RBFOX1: variants seen among roughly 807,000 people sequenced by gnomAD.
RBFOX1 encodes the protein RNA binding protein fox-1 homolog 1.
A neutral mutation model predicts 57.7 loss-of-function variants in RBFOX1; 8 were observed. The observed-to-expected ratio is 0.14, with a 90% CI of 0.08 to 0.25. The LOEUF is 0.25. Ranked by LOEUF, RBFOX1 falls within the 10% of genes least tolerant of loss-of-function variation. The pLI is 1.00. For missense variants in RBFOX1, 611 were observed against 548.5 expected (o/e 1.11, Z -1.14); for synonymous variants, 326 against 222.4 (o/e 1.47, Z -4.15).
intron 10 of RBFOX1, among the ~76,000 whole-genome samples, chr16:7,624,146 T>C (rs1157591859): frequency 1.3e-5 from 2 of 152,202 alleles, no homozygotes; most frequent in African/African-American, 4.8e-5. Flanking sequence ...GGAGGACTAA[T>C]GGCATCAGAC....
At chr16:6,731,009 C>A (rs2068446212) in intron 3 of RBFOX1, among the ~76,000 whole-genome samples, 1 of 152,096 alleles carries the variant, frequency 6.6e-6, no homozygotes, top group South Asian at 2.1e-4. Flanking sequence ...TGTCAGAGAT[C>A]ACAAAAGAGA....
At chr16:5,895,723 G>A (rs894548425) in intron 4 of RBFOX1, among the ~76,000 whole-genome samples, 6 of 152,146 alleles carry the variant, frequency 3.9e-5, no homozygotes, top group African/African-American at 1.4e-4. Context: ...GGGGCATCTC[G>A]CAGGGGTTTT....
At chr16:7,002,694 G>C (rs1170977966) in intron 3 of RBFOX1, among the ~76,000 whole-genome samples, 1 of 152,136 alleles carries the variant, frequency 6.6e-6, no homozygotes, top group African/African-American at 2.4e-5. Context: ...CCTGGTGATA[G>C]AGTGAGGGTC....
At chr16:6,341,891 C>G (rs1053815565) in intron 2 of RBFOX1, among the ~76,000 whole-genome samples, 5 of 152,294 alleles carry the variant, frequency 3.3e-5, no homozygotes, top group African/African-American at 9.6e-5. Flanking sequence ...TAACGATTCT[C>G]GTGATTCCAC....
chr16:7,079,043 G>A (rs189430505), intron 4 of RBFOX1, among the ~76,000 whole-genome samples: 191 of 151,356 alleles, frequency 1.3e-3, no homozygotes, highest in Non-Finnish European at 2.4e-3. Context: ...TTTTTTGGGG[G>A]GAAACATGGT....
intron 2 of RBFOX1, among the ~76,000 whole-genome samples, chr16:6,365,508 C>T (rs2089444250): frequency 6.6e-6 from 1 of 152,092 alleles, no homozygotes; most frequent in Non-Finnish European, 1.5e-5. Context: ...TGGATACATA[C>T]ATGTAATACA....
chr16:6,576,171 A>G (rs1304945128), intron 2 of RBFOX1, among the ~76,000 whole-genome samples: 1 of 151,964 alleles, frequency 6.6e-6, no homozygotes, highest in Non-Finnish European at 1.5e-5. Context: ...TCATTCTTTC[A>G]TTTTGCAACC....
rs546888863 is a variant in RBFOX1, at chr16:5,364,288, G to A, written c.220-102928G>A. ...TGAATGCACCAACAGTCCCCCAGGG[G>A]TGCACAGAAGGCGCATAGAGTCCCT... On this transcript the variant is annotated intron_variant, in intron 1 of 2. Transcript: ENST00000585867. 8.5e-5 allele frequency among the ~76,000 whole-genome samples: 13 copies of A among 152,352 alleles called. No individual in the cohort carries two copies. The East Asian group carries it at 2.5e-3, about 29-fold the overall frequency.
chr16:6,705,861 T>C (rs1468686090), intron 3 of RBFOX1, among the ~76,000 whole-genome samples: 3 of 152,150 alleles, frequency 2.0e-5, no homozygotes, highest in Middle Eastern at 6.8e-3. Context: ...TTACTAAAAA[T>C]ACAAACATTA....
intron 2 of RBFOX1, among the ~76,000 whole-genome samples, chr16:6,396,780 G>A (rs1180982554): frequency 1.3e-5 from 2 of 152,058 alleles, no homozygotes; most frequent in Non-Finnish European, 2.9e-5. Flanking sequence ...ATGAGAAGAA[G>A]CAGTTAACCC....
intron 14 of RBFOX1, among the ~76,000 whole-genome samples, chr16:7,692,900 ATAT>A (rs1277603897): frequency 1.4e-5 from 2 of 147,700 alleles, no homozygotes; most frequent in South Asian, 2.2e-4. Context: ...TTTTTTTTTG[ATAT>A]TATAAGTCTA....
chr16:6,255,164 G>A (rs990288801), intron 1 of RBFOX1, among the ~76,000 whole-genome samples: 1 of 152,068 alleles, frequency 6.6e-6, no homozygotes, highest in African/African-American at 2.4e-5. Flanking sequence ...TGAGAACCTG[G>A]AAACATTTCC....
rs536553431 is a variant in RBFOX1 at position 7,317,756 on chromosome 16, T to C, written c.28-200391T>C. ...TGAGTCTGAAACAAATTACAAATCT[T>C]ATGGGCCTCCAACTAGCTCTATGGG... On this transcript the variant is annotated intron_variant, in intron 4 of 15. Coordinates refer to ENST00000550418, the MANE Select transcript of RBFOX1 (RefSeq NM_018723.4). Among the ~76,000 whole-genome samples, 23 of 152,290 alleles carry C rather than the reference T, an allele frequency of 1.5e-4. 1 individual carries two copies. The South Asian group carries it at 4.8e-3, about 32-fold the overall frequency.
chr16:6,593,154 T>G (rs182718937), intron 2 of RBFOX1, among the ~76,000 whole-genome samples: 15 of 152,216 alleles, frequency 9.9e-5, no homozygotes, highest in Non-Finnish European at 2.1e-4. Context: ...ATGGCACCAT[T>G]GCGCTCCAGC....
intron 3 of RBFOX1, among the ~76,000 whole-genome samples, chr16:7,048,626 G>C (rs1402863046): frequency 6.6e-6 from 1 of 152,100 alleles, no homozygotes; most frequent in Non-Finnish European, 1.5e-5. Flanking sequence ...GTTATTTTCA[G>C]TGTGTTTTTT....
chr16:6,547,557 C>T (rs945645651), intron 2 of RBFOX1, among the ~76,000 whole-genome samples: 2 of 152,072 alleles, frequency 1.3e-5, no homozygotes, highest in African/African-American at 4.8e-5. Flanking sequence ...AATCTTCCTC[C>T]TGGAAGTCAG....
intron 4 of RBFOX1, among the ~76,000 whole-genome samples, chr16:7,490,013 A>T (rs1335681276): frequency 2.0e-5 from 3 of 152,204 alleles, no homozygotes; most frequent in Non-Finnish European, 4.4e-5. Context: ...TTGAATGGAC[A>T]GAAAGGTAGA....
In RBFOX1 at chr16:5,319,768, T is replaced by G. The variant is rs149782035; in HGVS notation, c.219+79663T>G. Among the ~76,000 whole-genome samples, 571 of 152,256 alleles carry G rather than the reference T, an allele frequency of 3.8e-3. 9 individuals carry two copies. The highest frequency in any genetic ancestry group is 0.031 in the South Asian group (150 of 4,820). The stretch of plus-strand genomic sequence containing the variant: ...AGAAGTTTGTTGTCCACAAGACAGT[T>G]TATGGTAGATGCTGGTTGGATGGCT... On this transcript the variant is annotated intron_variant, in intron 1 of 2. Transcript: ENST00000585867.
intron 1 of RBFOX1, among the ~76,000 whole-genome samples, chr16:6,078,346 C>G (rs558405087): frequency 6.6e-6 from 1 of 152,268 alleles, no homozygotes; most frequent in African/African-American, 2.4e-5. Flanking sequence ...CCCGGGACGG[C>G]TTTGAATGTT....
Sources: gnomAD v4.1 joint callset for allele counts (sites outside exome capture counted in the v4.1 genomes callset) on GRCh38, gnomAD v4.1.1 for gene constraint, MANE v1.5 for transcripts, NCBI Gene and HGNC (gene_info 2026-07-23, HGNC 2026-07-21) for gene names.